MACROD2: variants seen among roughly 807,000 people sequenced by gnomAD.
The protein encoded by MACROD2 is ADP-ribose glycohydrolase MACROD2.
In MACROD2, 36 loss-of-function variants were observed where a neutral mutation model predicts 70.4. That is an observed-to-expected ratio of 0.51 (90% CI 0.39 to 0.68). The LOEUF (loss-of-function observed/expected upper bound fraction) is 0.68. Ranked by LOEUF, MACROD2 falls within the 30% of genes least tolerant of loss-of-function variation. MACROD2 has a pLI of 0.00. For missense variants in MACROD2, 496 were observed against 538.4 expected (o/e 0.92, Z 0.78); for synonymous variants, 172 against 178.8 (o/e 0.96, Z 0.30).
intron 8 of MACROD2, among the ~76,000 whole-genome samples, chr20:15,583,110 C>G (rs895890424): frequency 5.3e-5 from 8 of 152,092 alleles, no homozygotes; most frequent in Non-Finnish European, 1.2e-4. Context: ...AAACATCTCT[C>G]AATCCATTTA....
chr20:15,162,093 T>C (rs1378488470), intron 5 of MACROD2, among the ~76,000 whole-genome samples: 2 of 152,028 alleles, frequency 1.3e-5, no homozygotes, highest in Non-Finnish European at 2.9e-5. Flanking sequence ...GGACTAAATA[T>C]CGTGAAGAGT....
chr20:15,249,391 T>A (rs2077134291), intron 6 of MACROD2, among the ~76,000 whole-genome samples: 1 of 152,228 alleles, frequency 6.6e-6, no homozygotes, highest in Non-Finnish European at 1.5e-5. Flanking sequence ...TTAAGGTTTT[T>A]AAAATTTCTT....
chr20:14,057,157 G>C (rs2053639946), intron 2 of MACROD2, among the ~76,000 whole-genome samples: 1 of 152,094 alleles, frequency 6.6e-6, no homozygotes, highest in Non-Finnish European at 1.5e-5. Flanking sequence ...GACAGTATAA[G>C]AGAATATCTT....
intron 3 of MACROD2, among the ~76,000 whole-genome samples, chr20:14,351,931 A>T (rs1183112152): frequency 6.6e-6 from 1 of 152,208 alleles, no homozygotes; most frequent in African/African-American, 2.4e-5. Context: ...GGTGTTTATC[A>T]TGAAAGGATG....
chr20:15,664,167 T>C (rs2049863994), intron 8 of MACROD2, among the ~76,000 whole-genome samples: 1 of 152,216 alleles, frequency 6.6e-6, no homozygotes, highest in Non-Finnish European at 1.5e-5. Flanking sequence ...AGTTGTAACT[T>C]TCTAATAAAT....
intron 8 of MACROD2, among the ~76,000 whole-genome samples, chr20:15,751,878 GT>G (rs11438983): frequency 1.6e-3 from 230 of 146,474 alleles, no homozygotes; most frequent in African/African-American, 5.5e-3. Flanking sequence ...TATGTCAGAG[GT>G]TTTTTTTTTC....
intron 15 of MACROD2, among the ~76,000 whole-genome samples, chr20:16,039,401 T>C (rs2067277836): frequency 6.6e-6 from 1 of 151,938 alleles, no homozygotes; most frequent in Non-Finnish European, 1.5e-5. Context: ...TCCTATTAAG[T>C]TGGTGGTCTT....
chr20:15,927,157 C>T (rs138550435), intron 10 of MACROD2, among the ~76,000 whole-genome samples: 1 of 152,198 alleles, frequency 6.6e-6, no homozygotes, highest in Non-Finnish European at 1.5e-5. Flanking sequence ...CAAGCAGAAG[C>T]TGAGATAGAT....
chr20:14,758,606 G>GCA (rs1555826304), intron 5 of MACROD2, among the ~76,000 whole-genome samples: 1 of 152,116 alleles, frequency 6.6e-6, no homozygotes, highest in Non-Finnish European at 1.5e-5. Flanking sequence ...GGGGACCCAT[G>GCA]CACTGTACAG....
At chr20:14,620,114 CTCT>C (rs1983745799) in intron 4 of MACROD2, among the ~76,000 whole-genome samples, 1 of 152,118 alleles carries the variant, frequency 6.6e-6, no homozygotes, top group Non-Finnish European at 1.5e-5. Flanking sequence ...TATTCTGGTT[CTCT>C]TCTTCTGCAT....
chr20:15,337,127 A>G (rs2078057338), intron 6 of MACROD2, among the ~76,000 whole-genome samples: 1 of 151,852 alleles, frequency 6.6e-6, no homozygotes. Context: ...AAAGCCATTA[A>G]CTAATTTGGA....
chr20:14,855,603 T>G (rs1275312839), intron 5 of MACROD2, among the ~76,000 whole-genome samples: 2 of 59,792 alleles, frequency 3.3e-5, no homozygotes, highest in Non-Finnish European at 8.7e-5. Context: ...CCAAGTTTTT[T>G]TTTTTTTTTT....
intron 3 of MACROD2, among the ~76,000 whole-genome samples, chr20:14,318,442 G>A (rs1448899825): frequency 6.6e-6 from 1 of 152,182 alleles, no homozygotes. Flanking sequence ...ATGAGATAGG[G>A]GTAGGGAGTG....
At chr20:14,480,269 G>C (rs1042942971) in intron 3 of MACROD2, among the ~76,000 whole-genome samples, 1 of 152,142 alleles carries the variant, frequency 6.6e-6, no homozygotes, top group Admixed American at 6.5e-5. Context: ...AAAAATGGTT[G>C]TTAAATAATT....
intron 5 of MACROD2, among the ~76,000 whole-genome samples, chr20:15,165,971 C>T (rs972568719): frequency 2.6e-5 from 4 of 152,070 alleles, no homozygotes; most frequent in Admixed American, 6.6e-5. Context: ...AAGGATATTA[C>T]GCTAAGTGAA....
chr20:14,583,325 A>C (rs1295280240), intron 4 of MACROD2, among the ~76,000 whole-genome samples: 1 of 152,166 alleles, frequency 6.6e-6, no homozygotes, highest in African/African-American at 2.4e-5. Flanking sequence ...ACCATCAATC[A>C]TCAGGGTCCA....
chr20:14,483,068 G>A (rs932581593), intron 3 of MACROD2, among the ~76,000 whole-genome samples: 1 of 152,188 alleles, frequency 6.6e-6, no homozygotes, highest in Non-Finnish European at 1.5e-5. Flanking sequence ...AATGATAAAT[G>A]TAAGCTATGT....
chr20:15,056,405 C>T (rs2075486204), intron 5 of MACROD2, among the ~76,000 whole-genome samples: 2 of 152,142 alleles, frequency 1.3e-5, no homozygotes, highest in Non-Finnish European at 2.9e-5. Context: ...CTCCTGTTAA[C>T]TAGACTGATG....
intron 5 of MACROD2, among the ~76,000 whole-genome samples, chr20:14,846,474 ATATAAG>A: frequency 6.6e-6 from 1 of 151,198 alleles, no homozygotes; most frequent in South Asian, 2.1e-4. Flanking sequence ...ATATTTCATT[ATATAAG>A]GTAGACTTTA....
Sources: allele counts gnomAD v4.1 joint callset (sites outside exome capture counted in the v4.1 genomes callset), GRCh38; gene constraint gnomAD v4.1.1; transcripts MANE v1.5; gene names NCBI Gene and HGNC (gene_info 2026-07-23, HGNC 2026-07-21).